Variants in KCNMB2 observed in about 807,000 individuals in gnomAD.
KCNMB2 encodes calcium-activated potassium channel subunit beta-2.
KCNMB2 carries 9 observed loss-of-function variants against 24.5 expected under a neutral mutation model. That is an observed-to-expected ratio of 0.37 (90% CI 0.22 to 0.64). The LOEUF is 0.64. KCNMB2 is among the 30% of genes least tolerant of loss of function. KCNMB2 has a pLI of 0.63. For synonymous variants in KCNMB2, 109 were observed against 104.4 expected (o/e 1.04, Z -0.27); for missense variants, 226 against 284.3 (o/e 0.79, Z 1.47).
At chr3:178,608,348 C>G (rs1320762030) in intron 1 of KCNMB2, among the ~76,000 whole-genome samples, 2 of 151,998 alleles carry the variant, frequency 1.3e-5, no homozygotes, top group East Asian at 3.9e-4. Context: ...TAAAACTGTC[C>G]TAAAATATAC....
chr3:178,818,916 T>TGCCTGGAGTA (rs112327216), intron 2 of KCNMB2, among the ~76,000 whole-genome samples: 39,707 of 152,002 alleles, frequency 0.26, 6,993 homozygotes, highest in African/African-American at 0.51. Context: ...TTCTCTTATA[T>TGCCTGGAGTA]TCTGCCTGGA....
At chr3:178,776,318 C>T (rs1712577069) in intron 1 of KCNMB2, among the ~76,000 whole-genome samples, 3 of 152,116 alleles carry the variant, frequency 2.0e-5, no homozygotes, top group Admixed American at 2.0e-4. Flanking sequence ...TTAGTCTAAT[C>T]AGTCATCAAG....
chr3:178,669,036 G>C (rs959031872), intron 1 of KCNMB2, among the ~76,000 whole-genome samples: 6 of 152,100 alleles, frequency 3.9e-5, no homozygotes, highest in South Asian at 2.1e-4. Context: ...TATGAGAAGA[G>C]AGAAGTAAGG....
intron 1 of KCNMB2, among the ~76,000 whole-genome samples, chr3:178,798,673 A>G (rs944417188): frequency 3.9e-5 from 6 of 152,214 alleles, no homozygotes; most frequent in African/African-American, 1.4e-4. Flanking sequence ...GAGCTGAACA[A>G]TGGGAACACA....
intron 1 of KCNMB2, among the ~76,000 whole-genome samples, chr3:178,543,037 C>A (rs539483549): frequency 1.2e-4 from 18 of 152,300 alleles, no homozygotes; most frequent in African/African-American, 4.3e-4. Context: ...AAACTATTAT[C>A]ATCTAAGATG....
At chr3:178,791,352 G>C (rs1713316293) in intron 1 of KCNMB2, among the ~76,000 whole-genome samples, 1 of 152,216 alleles carries the variant, frequency 6.6e-6, no homozygotes, top group Non-Finnish European at 1.5e-5. Flanking sequence ...GAATGTATCA[G>C]AGTCTTCCAA....
intron 1 of KCNMB2, among the ~76,000 whole-genome samples, chr3:178,752,208 C>A (rs1247759456): frequency 6.6e-6 from 1 of 152,052 alleles, no homozygotes; most frequent in Non-Finnish European, 1.5e-5. Flanking sequence ...TAATATAAAA[C>A]AAATAAGTGT....
intron 1 of KCNMB2, among the ~76,000 whole-genome samples, chr3:178,601,368 T>G (rs954501897): frequency 8.6e-5 from 13 of 151,986 alleles, no homozygotes; most frequent in African/African-American, 2.9e-4. Context: ...AAATAAAAAT[T>G]TTAAAAATGA....
At chr3:178,722,558 A>G (rs1722841768) in intron 1 of KCNMB2, among the ~76,000 whole-genome samples, 1 of 152,162 alleles carries the variant, frequency 6.6e-6, no homozygotes, top group Non-Finnish European at 1.5e-5. Context: ...ACATTAATCT[A>G]TTCATGAGAA....
chr3:178,631,656 A>G (rs572234916), intron 1 of KCNMB2, among the ~76,000 whole-genome samples: 133 of 152,352 alleles, frequency 8.7e-4, no homozygotes, highest in African/African-American at 3.1e-3. Context: ...AGAGAGGGAA[A>G]TTCAAATCTC....
chr3:178,701,731 C>T (rs963164437), intron 1 of KCNMB2, among the ~76,000 whole-genome samples: 3 of 152,140 alleles, frequency 2.0e-5, no homozygotes, highest in African/African-American at 7.2e-5. Flanking sequence ...TCATCTCACA[C>T]CAGTTAGAAT....
At chr3:178,607,318 G>C (rs553295774) in intron 1 of KCNMB2, among the ~76,000 whole-genome samples, 1 of 152,330 alleles carries the variant, frequency 6.6e-6, no homozygotes, top group South Asian at 2.1e-4. Flanking sequence ...GAAAGGCTAA[G>C]TTGATAATAA....
intron 1 of KCNMB2, among the ~76,000 whole-genome samples, chr3:178,765,762 TC>T (rs1224927465): frequency 6.7e-6 from 1 of 150,168 alleles, no homozygotes; most frequent in Non-Finnish European, 1.5e-5. Context: ...ACCTGTCTGT[TC>T]CCTAGTACCA....
At chr3:178,681,743 G>A (rs963473129) in intron 1 of KCNMB2, among the ~76,000 whole-genome samples, 2 of 152,178 alleles carry the variant, frequency 1.3e-5, no homozygotes, top group Non-Finnish European at 2.9e-5. Context: ...CATACTTCTT[G>A]TCTTCTCAAG....
chr3:178,615,860 C>T (rs551050591), intron 1 of KCNMB2, among the ~76,000 whole-genome samples: 5 of 152,198 alleles, frequency 3.3e-5, no homozygotes, highest in African/African-American at 1.2e-4. Context: ...TTATTCAGGG[C>T]CCAAGGCTTC....
chr3:178,544,062 G>A (rs1225285259), intron 1 of KCNMB2, among the ~76,000 whole-genome samples: 1 of 152,070 alleles, frequency 6.6e-6, no homozygotes, highest in East Asian at 1.9e-4. Context: ...ACAGTTCATG[G>A]CAGTAGTTAA....
intron 1 of KCNMB2, among the ~76,000 whole-genome samples, chr3:178,682,029 C>A (rs1258583453): frequency 6.6e-6 from 1 of 152,034 alleles, no homozygotes; most frequent in Non-Finnish European, 1.5e-5. Context: ...TTTCTCAAAG[C>A]CTGCTAATTT....
chr3:178,737,722 T>C (rs1723363199), intron 1 of KCNMB2, among the ~76,000 whole-genome samples: 1 of 152,124 alleles, frequency 6.6e-6, no homozygotes, highest in South Asian at 2.1e-4. Context: ...AAGACTATAA[T>C]GGCTTTGGTA....
At chr3:178,826,661 A>C (rs555905108) in intron 3 of KCNMB2, among the ~76,000 whole-genome samples, 1 of 152,354 alleles carries the variant, frequency 6.6e-6, no homozygotes, top group South Asian at 2.1e-4. Flanking sequence ...AGACCTTTTC[A>C]AATGAAAAAT....
Sources: gnomAD v4.1 joint callset for allele counts (sites outside exome capture counted in the v4.1 genomes callset) on GRCh38, gnomAD v4.1.1 for gene constraint, MANE v1.5 for transcripts, NCBI Gene and HGNC (gene_info 2026-07-23, HGNC 2026-07-21) for gene names.